Variants in DCBLD1 observed in about 807,000 individuals in gnomAD.
DCBLD1 encodes discoidin, CUB and LCCL domain-containing protein 1.
In DCBLD1, 57 loss-of-function variants were observed where a neutral mutation model predicts 71.5. The ratio of observed to expected loss-of-function variants is 0.80; its 90% CI spans 0.64 to 0.99. DCBLD1 has a LOEUF of 0.99. DCBLD1 is among the 50% of genes least tolerant of loss of function. The pLI is 0.00. For missense variants in DCBLD1, 891 were observed against 923.5 expected (o/e 0.96, Z 0.46); for synonymous variants, 380 against 363.8 (o/e 1.04, Z -0.51).
At chr6:117,528,835 C>T (rs1778624117) in intron 5 of DCBLD1, among the ~76,000 whole-genome samples, 1 of 152,042 alleles carries the variant, frequency 6.6e-6, no homozygotes, top group Non-Finnish European at 1.5e-5. Context: ...ATTAGGGAAG[C>T]TCGTTGTTTT....
At chr6:117,532,451 T>G (rs1458471104) in intron 6 of DCBLD1, 58 bp downstream of exon 6, 2 of 1,493,084 alleles carry the variant, frequency 1.3e-6, no homozygotes, top group Non-Finnish European at 1.8e-6. Flanking sequence ...TGAAGGATAA[T>G]TAACCAGCTC....
chr6:117,545,186 C>T (rs1779225753), intron 13 of DCBLD1, among the ~76,000 whole-genome samples: 1 of 151,944 alleles, frequency 6.6e-6, no homozygotes, highest in Non-Finnish European at 1.5e-5. Flanking sequence ...GATGCCATGC[C>T]AGTGCAGATT....
Position 117,540,804 on chromosome 6 carries a change from A to C in DCBLD1, c.1238A>C (p.Gln413Pro). Residue 413 changes from glutamine (Q) to proline (P), a missense_variant, in exon 10 of 15, where the codon CAG becomes CCG. Transcript: ENST00000338728. ...TTGAAGGTGGAGCTCATTGGTTGCC[A>C]GATTACACAAGGTAGGGCTCAGGGC... is the stretch of plus-strand genomic sequence containing the variant. Reference protein sequence around the residue: ...IALKVELIGCQITQGNDSLVW... With the variant: ...IALKVELIGCPITQGNDSLVW... 1 of 1,614,244 alleles carries C rather than the reference A, an allele frequency of 6.2e-7. No individual in the cohort carries two copies. The highest frequency in any genetic ancestry group is 8.5e-7 in the Non-Finnish European group (1 of 1,180,046).
chr6:117,500,857 C>T (rs1333414796), intron 1 of DCBLD1, among the ~76,000 whole-genome samples: 3 of 151,812 alleles, frequency 2.0e-5, no homozygotes, highest in Admixed American at 6.6e-5. Flanking sequence ...AGTGAGACTT[C>T]GTCTCAAAAA....
intron 1 of DCBLD1, among the ~76,000 whole-genome samples, chr6:117,500,576 T>C (rs1777621717): frequency 6.6e-6 from 1 of 152,132 alleles, no homozygotes; most frequent in Admixed American, 6.5e-5. Context: ...TGAATAAAAG[T>C]GATACCCTGG....
chr6:117,531,676 G>C (rs1398061509), intron 5 of DCBLD1, among the ~76,000 whole-genome samples: 2 of 152,154 alleles, frequency 1.3e-5, no homozygotes, highest in Non-Finnish European at 1.5e-5. Context: ...TAAGCTTTCT[G>C]TTCCATTTAA....
At chr6:117,516,465 T>C (rs1007195397) in intron 2 of DCBLD1, among the ~76,000 whole-genome samples, 5 of 152,098 alleles carry the variant, frequency 3.3e-5, no homozygotes, top group African/African-American at 1.2e-4. Flanking sequence ...CATAATTTAG[T>C]GATAGGAAAT....
chr6:117,529,288 C>T (rs1014854112), intron 5 of DCBLD1, among the ~76,000 whole-genome samples: 5 of 137,376 alleles, frequency 3.6e-5, no homozygotes, highest in East Asian at 2.1e-4. Flanking sequence ...AGATATTATA[C>T]GGAGGACAGA....
intron 2 of DCBLD1, among the ~76,000 whole-genome samples, chr6:117,510,141 G>A (rs527570703): frequency 3.9e-5 from 6 of 152,120 alleles, no homozygotes; most frequent in South Asian, 4.2e-4. Context: ...CTAGCTTAGC[G>A]TTGATGCATC....
intron 1 of DCBLD1, among the ~76,000 whole-genome samples, chr6:117,496,247 A>G (rs538849693): frequency 1.3e-5 from 2 of 151,806 alleles, no homozygotes; most frequent in Non-Finnish European, 2.9e-5. Context: ...TTCTTTCAGC[A>G]TAGTATTATT....
At position 117,548,985 on chromosome 6, in the gene DCBLD1, A is replaced by C; in HGVS notation, c.*546A>C. On this transcript the variant is annotated 3_prime_UTR_variant, in exon 15 of 15. Transcript: ENST00000338728. ...AACTAGAACTGAAAGCATTTTTAAC[A>C]TTCTTCTCCTGGAAGAAATGAATTA... 1 of 986,796 alleles carries C rather than the reference A, an allele frequency of 1.0e-6. No homozygotes were observed. Among genetic ancestry groups the C allele is most frequent in the Non-Finnish European group, 1.2e-6 (1 of 830,898 alleles). 61.1% of individuals were successfully genotyped at this position (986,796 alleles called of 1,614,324 possible).
intron 1 of DCBLD1, among the ~76,000 whole-genome samples, chr6:117,488,284 T>C (rs1777159192): frequency 6.6e-6 from 1 of 152,230 alleles, no homozygotes; most frequent in Non-Finnish European, 1.5e-5. Flanking sequence ...AATATTCATG[T>C]TATTTTAAAC....
At chr6:117,563,473 G>T in intron 14 of DCBLD1, 1 of 1,321,336 alleles carries the variant, frequency 7.6e-7, no homozygotes, top group African/African-American at 1.5e-5. Flanking sequence ...TGTAATCCCA[G>T]CACTTTGAGA....
At chr6:117,568,121 G>A (rs979456997) in intron 14 of DCBLD1, among the ~76,000 whole-genome samples, 3 of 151,944 alleles carry the variant, frequency 2.0e-5, no homozygotes, top group Non-Finnish European at 4.4e-5. Context: ...ATCTGTTTGA[G>A]CCTGGGAGGT....
intron 2 of DCBLD1, among the ~76,000 whole-genome samples, chr6:117,505,529 A>C (rs944877957): frequency 1.3e-5 from 2 of 152,206 alleles, no homozygotes; most frequent in East Asian, 3.8e-4. Context: ...ATTTTGTTGC[A>C]TAAGACTCTG....
At chr6:117,533,943 A>G (rs1472276051) in intron 6 of DCBLD1, among the ~76,000 whole-genome samples, 2 of 152,220 alleles carry the variant, frequency 1.3e-5, no homozygotes, top group Admixed American at 6.5e-5. Context: ...TTTCACAAGC[A>G]ATGCAAGTAG....
At chr6:117,560,768 T>C (rs1353920010) in intron 14 of DCBLD1, 2 of 208,868 alleles carry the variant, frequency 9.6e-6, no homozygotes, top group Non-Finnish European at 1.9e-5. Flanking sequence ...CATACAACCC[T>C]CACATTTTAT....
rs535082189 is a variant in DCBLD1, at chr6:117,507,632, C to G, written c.325+3653C>G. On this transcript the variant is annotated intron_variant, in intron 2 of 14. Transcript: ENST00000338728. ...TAACAGACCAAAGTAACTGAGACTC[C>G]CTTTGAAAAAATGCTAATATCCCTT... is the stretch of plus-strand genomic sequence containing the variant. 4.6e-5 allele frequency among the ~76,000 whole-genome samples: 7 copies of G among 152,196 alleles called. No individual in the cohort carries two copies. The South Asian group carries it at 1.5e-3, about 32-fold the overall frequency.
intron 1 of DCBLD1, among the ~76,000 whole-genome samples, chr6:117,488,822 G>C (rs534961689): frequency 6.6e-6 from 1 of 152,250 alleles, no homozygotes; most frequent in African/African-American, 2.4e-5. Flanking sequence ...AGGGTATCAG[G>C]GGCCTACTTC....
Sources: allele counts gnomAD v4.1 joint callset (sites outside exome capture counted in the v4.1 genomes callset), GRCh38; gene constraint gnomAD v4.1.1; transcripts MANE v1.5; gene names NCBI Gene and HGNC (gene_info 2026-07-23, HGNC 2026-07-21).